PTCHD1: variants seen among roughly 807,000 people sequenced by gnomAD.
The protein encoded by PTCHD1 is patched domain-containing protein 1.
A neutral mutation model predicts 34.6 loss-of-function variants in PTCHD1; 3 were observed. The observed-to-expected ratio is 0.09, with a 90% CI of 0.04 to 0.22. The LOEUF is 0.22. Among genes scored for constraint, PTCHD1 ranks in the 10% least tolerant of loss-of-function variants. The probability of loss-of-function intolerance (pLI) is 1.00; values close to 1 mark genes in which losing one functional copy is unlikely to be tolerated. For missense variants in PTCHD1, 504 were observed against 685.5 expected, an observed-to-expected ratio of 0.74 and a Z score of 2.96; for synonymous variants, 305 against 283.1, an observed-to-expected ratio of 1.08 and a Z score of -0.77.
intron 1 of PTCHD1, among the ~76,000 whole-genome samples, chrX:23,367,258 T>C (rs933972585): frequency 1.8e-5 from 2 of 112,384 alleles, no homozygotes; most frequent in Middle Eastern, 4.6e-3. Context: ...CAGAAGACTT[T>C]ATCAGCATGA....
At chrX:23,356,095 T>G (rs990823246) in intron 1 of PTCHD1, among the ~76,000 whole-genome samples, 2 of 112,146 alleles carry the variant, frequency 1.8e-5, no homozygotes, top group South Asian at 3.8e-4. Context: ...CTTAATCACT[T>G]CTCAGTATTT....
At chrX:23,352,501 G>A (rs1258680078) in intron 1 of PTCHD1, among the ~76,000 whole-genome samples, 1 of 111,625 alleles carries the variant, frequency 9.0e-6, no homozygotes, top group Non-Finnish European at 1.9e-5. Context: ...AGAAGAATAT[G>A]GATTATAAAG....
intron 1 of PTCHD1, 103 bp from the exon 2 acceptor site, chrX:23,379,488 T>A (rs756930930): frequency 2.9e-5 from 25 of 854,470 alleles, no homozygotes; most frequent in Non-Finnish European, 4.1e-5. Flanking sequence ...GTTTATAACA[T>A]TTGATTTGAA....
In PTCHD1 at chrX:23,393,257, A is replaced by G. The variant is rs779245707; in HGVS notation, c.1739A>G (p.Lys580Arg). The G allele has an allele frequency of 2.5e-6, 3 of 1,209,158 alleles. No homozygotes were observed. The highest frequency in any genetic ancestry group is 2.2e-5 in the Admixed American group (1 of 45,836). The change falls in exon 3 of 3, where the codon AAG becomes AGG. Residue 580 changes from lysine to arginine, a missense_variant. Physicochemically the swap from Lys to Arg is conservative, Grantham distance 26 (BLOSUM62 2). Coordinates refer to ENST00000379361, the MANE Select transcript of PTCHD1 (RefSeq NM_173495.3). ...SVQEDVLEYT[K>R]GFVRISWFES... ...CAAGAAGATGTTCTAGAATACACCA[A>G]GGGGTTTGTGCGGATATCCTGGTTT...
intron 2 of PTCHD1, among the ~76,000 whole-genome samples, chrX:23,387,924 T>C (rs939420622): frequency 1.8e-5 from 2 of 112,071 alleles, no homozygotes; most frequent in Admixed American, 9.4e-5. Context: ...AGTATGTGTT[T>C]AACAGTTCCC....
chrX:23,357,353 C>T (rs1194936202), intron 1 of PTCHD1, among the ~76,000 whole-genome samples: 1 of 111,923 alleles, frequency 8.9e-6, no homozygotes, highest in East Asian at 2.8e-4. Flanking sequence ...ACACACCCAT[C>T]AGAATGGTAA....
At chrX:23,374,454 C>CT (rs1222535988) in intron 1 of PTCHD1, among the ~76,000 whole-genome samples, 1 of 110,875 alleles carries the variant, frequency 9.0e-6, no homozygotes, top group Non-Finnish European at 1.9e-5. Flanking sequence ...TGAGGAAGAT[C>CT]TGAGTGTGCC....
intron 1 of PTCHD1, among the ~76,000 whole-genome samples, chrX:23,364,701 C>T (rs1279355039): frequency 8.9e-6 from 1 of 112,283 alleles, no homozygotes; most frequent in Non-Finnish European, 1.9e-5. Context: ...GTCTCTCCCA[C>T]ACACCTACTG....
intron 1 of PTCHD1, among the ~76,000 whole-genome samples, chrX:23,375,316 GTCTCGT>G (rs1195336963): frequency 1.0e-5 from 1 of 97,993 alleles, no homozygotes; most frequent in East Asian, 3.2e-4. Context: ...TTGAGACGGA[GTCTCGT>G]TCTGTCGCCC....
chrX:23,370,875 T>A (rs890558086), intron 1 of PTCHD1, among the ~76,000 whole-genome samples: 1 of 111,705 alleles, frequency 9.0e-6, no homozygotes, highest in Non-Finnish European at 1.9e-5. Context: ...AGATCCTTCC[T>A]AGCCCAAAAC....
chrX:23,383,332 A>G lies in PTCHD1; in HGVS notation c.1012+3081A>G, dbSNP rs1167374552. Reference sequence around the variant, plus strand: ...TCAATAGGTCTATACTGTGATAAACATTATAGATTTAAAATTCAACAAACT... The same window carrying G: ...TCAATAGGTCTATACTGTGATAAACGTTATAGATTTAAAATTCAACAAACT... On this transcript the variant is annotated intron_variant, in intron 2 of 2. Transcript: ENST00000379361. 5.3e-5 allele frequency among the ~76,000 whole-genome samples: 6 copies of G among 112,305 alleles called. No homozygotes were observed. In the South Asian group the frequency reaches 1.5e-3, roughly 28 times the overall value.
intron 1 of PTCHD1, among the ~76,000 whole-genome samples, chrX:23,347,291 G>A (rs1218263232): frequency 8.9e-6 from 1 of 112,189 alleles, no homozygotes; most frequent in Non-Finnish European, 1.9e-5. Flanking sequence ...GATTTCATTG[G>A]AAGATTATAT....
chrX:23,335,415 G>A (rs1015079324), intron 1 of PTCHD1, among the ~76,000 whole-genome samples, 189 bp downstream of exon 1: 1 of 113,086 alleles, frequency 8.8e-6, no homozygotes, highest in Non-Finnish European at 1.9e-5. Flanking sequence ...GAGCGTCGGG[G>A]TCCGGGTCCG....
chrX:23,383,859 T>C (rs1416749818), intron 2 of PTCHD1, among the ~76,000 whole-genome samples: 1 of 112,528 alleles, frequency 8.9e-6, no homozygotes, highest in East Asian at 2.7e-4. Context: ...TCCAAATATA[T>C]TGATATCAAG....
intron 1 of PTCHD1, among the ~76,000 whole-genome samples, chrX:23,369,322 C>G (rs1048487708): frequency 1.2e-4 from 13 of 111,633 alleles, no homozygotes; most frequent in Non-Finnish European, 3.8e-5. Context: ...ACTTTGCTAC[C>G]TCATCACCAT....
At chrX:23,388,175 T>A (rs1348649030) in intron 2 of PTCHD1, among the ~76,000 whole-genome samples, 3 of 111,453 alleles carry the variant, frequency 2.7e-5, no homozygotes, top group Non-Finnish European at 5.7e-5. Context: ...AATCTGTATT[T>A]AGGTAGCTCT....
intron 1 of PTCHD1, among the ~76,000 whole-genome samples, chrX:23,352,705 A>G (rs775862913): frequency 9.0e-6 from 1 of 111,365 alleles, no homozygotes; most frequent in Non-Finnish European, 1.9e-5. Context: ...TAGTAACTCA[A>G]ATATACTGTA....
At chrX:23,334,808 C>CGCCGCCGCG, upstream of PTCHD1, 1 of 708,617 alleles carries the variant, frequency 1.4e-6, no homozygotes, top group South Asian at 7.2e-5. Flanking sequence ...CCGCCGCCGC[C>CGCCGCCGCG]GCCGCCGCCG....
At chrX:23,349,654 A>G (rs1389470196) in intron 1 of PTCHD1, among the ~76,000 whole-genome samples, 2 of 112,181 alleles carry the variant, frequency 1.8e-5, no homozygotes, top group East Asian at 5.5e-4. Context: ...ACAACAGAGC[A>G]TCAAAATACA....
Sources: gnomAD v4.1 joint callset for allele counts (sites outside exome capture counted in the v4.1 genomes callset) on GRCh38, gnomAD v4.1.1 for gene constraint, MANE v1.5 for transcripts, NCBI Gene and HGNC (gene_info 2026-07-23, HGNC 2026-07-21) for gene names.